Variants in SLCO5A1 observed in about 807,000 individuals in gnomAD.
SLCO5A1 encodes the protein solute carrier organic anion transporter family member 5A1, also known as organic anion transporter polypeptide-related protein 4.
Under a neutral mutation model 65.1 loss-of-function variants are expected in SLCO5A1, and 39 were observed. The observed-to-expected ratio is 0.60, with a 90% CI of 0.46 to 0.78. The LOEUF (loss-of-function observed/expected upper bound fraction) is 0.78. Among genes scored for constraint, SLCO5A1 ranks in the 30% least tolerant of loss-of-function variants. The pLI is 0.00. For missense variants in SLCO5A1, 1,029 were observed against 1,069.4 expected (o/e 0.96, Z 0.53); for synonymous variants, 438 against 415.7 (o/e 1.05, Z -0.65).
At chr8:69,694,378 A>C (rs1178685356) in intron 6 of SLCO5A1, among the ~76,000 whole-genome samples, 1 of 152,218 alleles carries the variant, frequency 6.6e-6, no homozygotes, top group Non-Finnish European at 1.5e-5. Context: ...TGCCAATCAC[A>C]CTGAACCAAA....
At chr8:69,738,374 A>T (rs911403354) in intron 4 of SLCO5A1, among the ~76,000 whole-genome samples, 170 bp from the exon 5 acceptor site, 13 of 149,958 alleles carry the variant, frequency 8.7e-5, no homozygotes, top group African/African-American at 3.0e-4. Context: ...CTTTAAATAG[A>T]TTTTCTTTTG....
At chr8:69,764,769 C>T in intron 2 of SLCO5A1, among the ~76,000 whole-genome samples, 1 of 152,188 alleles carries the variant, frequency 6.6e-6, no homozygotes, top group East Asian at 1.9e-4. Context: ...CAACTTAAAA[C>T]TGTAATGAGG....
intron 5 of SLCO5A1, among the ~76,000 whole-genome samples, chr8:69,708,908 A>G (rs1815093371): frequency 6.6e-6 from 1 of 152,014 alleles, no homozygotes; most frequent in Admixed American, 6.6e-5. Flanking sequence ...CTCCATCTCA[A>G]AAAAAAAGAA....
rs767413649 is a variant in SLCO5A1, at chr8:69,705,022, G to A, written c.1622+9C>T. On this transcript the variant is annotated intron_variant, in intron 6 of 9. Coordinates refer to ENST00000260126, the MANE Select transcript of SLCO5A1 (RefSeq NM_030958.3). ...TGCAGACACGACACGGCTCTTAAGA[G>A]GTACTTACCCTGTTGTATAAGGGAT... 1.2e-6 allele frequency: 2 copies of A among 1,608,202 alleles called. No homozygotes were observed. The highest frequency in any genetic ancestry group is 1.3e-5 in the African/African-American group (1 of 74,870).
intron 6 of SLCO5A1, among the ~76,000 whole-genome samples, chr8:69,684,322 T>G (rs1563659873): frequency 6.6e-6 from 1 of 152,160 alleles, no homozygotes; most frequent in East Asian, 1.9e-4. Context: ...GGCCAGTAGT[T>G]CCTACTGAGG....
At chr8:69,708,351 A>T (rs1815066478) in intron 5 of SLCO5A1, among the ~76,000 whole-genome samples, 1 of 152,184 alleles carries the variant, frequency 6.6e-6, no homozygotes, top group Non-Finnish European at 1.5e-5. Context: ...GATTACAGGC[A>T]CTATCTATAA....
At chr8:69,737,275 G>A (rs536079421) in intron 5 of SLCO5A1, among the ~76,000 whole-genome samples, 17 of 152,256 alleles carry the variant, frequency 1.1e-4, no homozygotes, top group Middle Eastern at 3.4e-3. Context: ...CACTTGAAAA[G>A]TTATCATAAT....
intron 2 of SLCO5A1, among the ~76,000 whole-genome samples, chr8:69,770,296 G>A (rs556267810): frequency 6.6e-6 from 1 of 152,160 alleles, no homozygotes; most frequent in East Asian, 1.9e-4. Flanking sequence ...TGTATATGCT[G>A]CAAAGAACCA....
In SLCO5A1 at chr8:69,834,908, C is replaced by A. The variant is rs1490093426; in HGVS notation, c.-551G>T. On this transcript the variant is annotated 5_prime_UTR_variant, in exon 1 of 10. Coordinates refer to ENST00000260126, the MANE Select transcript of SLCO5A1 (RefSeq NM_030958.3). ...TGAGTAGAGCGGCGGGAGGGGGGCA[C>A]TGAGCTACGGGAATAGTTGGGAGCC... 2.0e-5 allele frequency: 3 copies of A among 152,668 alleles called. No homozygotes were observed. The highest frequency in any genetic ancestry group is 4.4e-5 in the Non-Finnish European group (3 of 68,410). 9.5% of individuals were successfully genotyped at this position (152,668 alleles called of 1,614,324 possible).
chr8:69,724,458 G>C (rs1237883483), intron 5 of SLCO5A1, among the ~76,000 whole-genome samples: 1 of 152,054 alleles, frequency 6.6e-6, no homozygotes, highest in African/African-American at 2.4e-5. Flanking sequence ...ATTTCAGTAC[G>C]ATGACTTGAA....
rs200475495 is a variant in SLCO5A1 at position 69,832,611 on chromosome 8, T to C, written c.63A>G (p.Ala21=). 65 of 1,611,528 alleles carry C rather than the reference T, an allele frequency of 4.0e-5. No homozygotes were observed. The African/African-American group carries it at 7.9e-4, about 19-fold the overall frequency. The change falls in exon 2 of 10, where the codon GCA becomes GCG. Residue 21 remains alanine, a synonymous_variant. Transcript: ENST00000260126. The surrounding 1 kb of genome is among the most constrained non-coding windows in gnomAD (Gnocchi z 4.5). The part of the protein sequence containing the change: ...AGEQLEAPAT[A]EAVQERCEPE... The stretch of plus-strand genomic sequence containing the variant: ...GCTCGCACCTCTCTTGGACAGCTTC[T>C]GCAGTGGCCGGCGCCTCCAGCTGCT...
intron 2 of SLCO5A1, among the ~76,000 whole-genome samples, chr8:69,811,676 G>A (rs543787266): frequency 1.3e-5 from 2 of 152,332 alleles, no homozygotes; most frequent in South Asian, 2.1e-4. Flanking sequence ...TACCCTGCCC[G>A]CTAAAATGAA....
intron 5 of SLCO5A1, among the ~76,000 whole-genome samples, chr8:69,708,260 G>T (rs57978649): frequency 6.6e-6 from 1 of 152,190 alleles, no homozygotes; most frequent in South Asian, 2.1e-4. Flanking sequence ...ATGTAATCAT[G>T]CAGGCTTCCT....
intron 5 of SLCO5A1, among the ~76,000 whole-genome samples, chr8:69,720,033 G>A (rs1815744442): frequency 6.6e-6 from 1 of 152,126 alleles, no homozygotes; most frequent in African/African-American, 2.4e-5. Context: ...GTTCCTGTGT[G>A]CCTACAAAAA....
At chr8:69,722,157 C>A (rs1022874888) in intron 5 of SLCO5A1, among the ~76,000 whole-genome samples, 8 of 151,982 alleles carry the variant, frequency 5.3e-5, no homozygotes, top group Non-Finnish European at 1.0e-4. Flanking sequence ...GGTGACAGAG[C>A]AAAGACTCCG....
In SLCO5A1 at chr8:69,831,945, G is replaced by A. The variant is rs368319365; in HGVS notation, c.729C>T (p.Thr243=). ...GACAGGCCGGAGGCTCCAAAGTGGCGGTGGAGTTGCCACCCTGACACAGGC... is the reference window on the plus strand; with the variant it reads ...GACAGGCCGGAGGCTCCAAAGTGGCAGTGGAGTTGCCACCCTGACACAGGC... The part of the protein sequence containing the change: ...NDGLCQGGNS[T]ATLEPPACPK... Residue 243 remains threonine, a synonymous_variant, in exon 2 of 10, where the codon ACC becomes ACT. Coordinates refer to ENST00000260126, the MANE Select transcript of SLCO5A1 (RefSeq NM_030958.3). The A allele has an allele frequency of 5.6e-6, 9 of 1,595,410 alleles. No individual in the cohort carries two copies. In the East Asian group the frequency reaches 1.1e-4, roughly 20 times the overall value.
Position 69,682,297 on chromosome 8 carries a change from C to T in SLCO5A1, c.1669G>A (p.Val557Ile), listed in dbSNP as rs764780729. 9 of 1,611,140 alleles carry T rather than the reference C, an allele frequency of 5.6e-6. No homozygotes were observed. The highest frequency in any genetic ancestry group is 2.2e-5 in the South Asian group (2 of 90,476). Reference sequence around the variant, plus strand: ...TCGTGTATTTTACAACCACAATTAACGTTGCAGCTTCCTGTCAGATTCCTA... The same window carrying T: ...TCGTGTATTTTACAACCACAATTAATGTTGCAGCTTCCTGTCAGATTCCTA... ...PHRNLTGSCN[V>I]NCGCKIHEYE... Residue 557 changes from valine to isoleucine, a missense_variant, in exon 7 of 10, where the codon GTT becomes ATT. Val to Ile is a conservative substitution (Grantham distance 29). Coordinates refer to ENST00000260126, the MANE Select transcript of SLCO5A1 (RefSeq NM_030958.3).
intron 4 of SLCO5A1, among the ~76,000 whole-genome samples, chr8:69,749,433 C>T (rs1490001062): frequency 3.3e-5 from 5 of 152,132 alleles, no homozygotes; most frequent in Non-Finnish European, 5.9e-5. Context: ...GCCTGGCCAA[C>T]ATGGTGAAAC....
intron 2 of SLCO5A1, among the ~76,000 whole-genome samples, chr8:69,811,419 A>G (rs1458131525): frequency 1.3e-5 from 2 of 152,142 alleles, no homozygotes; most frequent in Non-Finnish European, 2.9e-5. Context: ...GGAGCTCTCA[A>G]CAGACTCTCC....
Sources: allele counts gnomAD v4.1 joint callset (sites outside exome capture counted in the v4.1 genomes callset), GRCh38; gene constraint gnomAD v4.1.1; non-coding constraint Gnocchi (gnomAD v3.1); transcripts MANE v1.5; gene names NCBI Gene and HGNC (gene_info 2026-07-23, HGNC 2026-07-21).